The following COG4 variants were observed in gnomAD, a reference collection of about 807,000 sequenced individuals.
The protein encoded by COG4 is conserved oligomeric Golgi complex subunit 4.
COG4 carries 65 observed loss-of-function variants against 95.1 expected under a neutral mutation model. The ratio of observed to expected loss-of-function variants is 0.68; its 90% confidence interval spans 0.56 to 0.84. The LOEUF (loss-of-function observed/expected upper bound fraction) is 0.84, where lower values mean the gene tolerates loss of function less well. Ranked by LOEUF, COG4 falls within the 40% of genes least tolerant of loss-of-function variation. The pLI, the probability that COG4 is intolerant of heterozygous loss-of-function variation, is 0.00. For synonymous variants in COG4, 421 were observed against 374.8 expected, an observed-to-expected ratio of 1.12 and a Z score of -1.42; for missense variants, 1,045 against 989.1, an observed-to-expected ratio of 1.06 and a Z score of -0.76.
Position 70,512,362 on chromosome 16 carries a change from C to T in COG4, c.615G>A (p.Glu205=). The change falls in exon 5 of 19, where the codon GAG becomes GAA. Residue 205 remains glutamate, a synonymous_variant. Coordinates refer to ENST00000323786, the MANE Select transcript of COG4 (RefSeq NM_015386.3). ...AEQRLKAIVA[E]KFAIATKEGD... The stretch of plus-strand genomic sequence containing the variant: ...CTTCCTTGGTGGCAATGGCAAACTT[C>T]TCTGCCACAATGGCTTTGAGACGTT... 1 of 1,614,194 alleles carries T rather than the reference C, an allele frequency of 6.2e-7. No homozygotes were observed. Among genetic ancestry groups the T allele is most frequent in the South Asian group, 1.1e-5 (1 of 91,090 alleles).
chr16:70,518,107 T>C (rs1227134009), intron 2 of COG4, among the ~76,000 whole-genome samples: 2 of 151,832 alleles, frequency 1.3e-5, no homozygotes, highest in African/African-American at 2.4e-5. Context: ...ATTTTTGTAT[T>C]TGTAGTAGAG....
rs16970243 is a variant in COG4 at position 70,510,030 on chromosome 16, G to C, written c.739-9C>G. 0.023 allele frequency: 37,643 copies of C among 1,609,788 alleles called. 6,841 individuals carry two copies. The African/African-American group carries it at 0.42, about 18-fold the overall frequency. Reference sequence around the variant, plus strand: ...TCAGCTTTACTGGCCACCTAAAAAAGGAGAAAACCCACACACATTCCTCAG... The same window carrying C: ...TCAGCTTTACTGGCCACCTAAAAAACGAGAAAACCCACACACATTCCTCAG... On this transcript the variant is annotated splice_polypyrimidine_tract_variant and intron_variant, in intron 5 of 18. Coordinates refer to ENST00000323786, the MANE Select transcript of COG4 (RefSeq NM_015386.3).
At chr16:70,507,290 G>C (rs1268943273) in intron 8 of COG4, among the ~76,000 whole-genome samples, 1 of 151,850 alleles carries the variant, frequency 6.6e-6, no homozygotes, top group African/African-American at 2.4e-5. Context: ...AACTGTATCG[G>C]TATACACAAG....
At chr16:70,510,108 G>A in intron 5 of COG4, 87 bp from the exon 6 acceptor site, 1 of 1,129,086 alleles carries the variant, frequency 8.9e-7, no homozygotes, top group Non-Finnish European at 1.3e-6. Context: ...TCCTCCCATT[G>A]ACTTTCTTTT....
intron 18 of COG4, 48 bp downstream of exon 18, chr16:70,481,311 C>T: frequency 1.2e-6 from 2 of 1,608,422 alleles, no homozygotes; most frequent in Middle Eastern, 1.8e-4. Context: ...TCCATCTTTG[C>T]CTCTTTCAGT....
At position 70,496,277 on chromosome 16, in the gene COG4, T is replaced by C; in HGVS notation, c.1636A>G (p.Met546Val). Reference protein sequence around the residue: ...KGIESTDEAKMSFLVTLNNVE... With the variant: ...KGIESTDEAKVSFLVTLNNVE... The stretch of plus-strand genomic sequence containing the variant: ...TGTGGGGTACCTACCAGGAAGGACA[T>C]CTTCGCCTCGTCAGTACTCTCGATG... The change falls in exon 12 of 19, where the codon ATG becomes GTG. Residue 546 changes from methionine to valine, a missense_variant. Physicochemically the swap from Met to Val is conservative, Grantham distance 21. Transcript: ENST00000323786. 6.2e-7 allele frequency: 1 copy of C among 1,614,190 alleles called. No individual in the cohort carries two copies. The highest frequency in any genetic ancestry group is 8.5e-7 in the Non-Finnish European group (1 of 1,180,034).
At chr16:70,486,478 C>T (rs2049138463) in intron 13 of COG4, among the ~76,000 whole-genome samples, 1 of 152,220 alleles carries the variant, frequency 6.6e-6, no homozygotes, top group East Asian at 1.9e-4. Context: ...GCCACCTGAT[C>T]TGCCTATCTC....
chr16:70,511,683 A>C (rs1281180002), intron 5 of COG4, among the ~76,000 whole-genome samples: 1 of 152,164 alleles, frequency 6.6e-6, no homozygotes, highest in African/African-American at 2.4e-5. Context: ...CTGTAATCCC[A>C]TCACTTTGGG....
At chr16:70,511,504 C>T (rs1262433649) in intron 5 of COG4, among the ~76,000 whole-genome samples, 1 of 150,754 alleles carries the variant, frequency 6.6e-6, no homozygotes, top group Non-Finnish European at 1.5e-5. Flanking sequence ...TGCTTGAGGC[C>T]AGGAGTTCGA....
intron 12 of COG4, among the ~76,000 whole-genome samples, chr16:70,490,624 G>A (rs1006125374): frequency 6.6e-6 from 1 of 152,174 alleles, no homozygotes; most frequent in South Asian, 2.1e-4. Context: ...ATGACAGGGA[G>A]CCTAAAGCTA....
At chr16:70,519,772 A>G in intron 1 of COG4, 41 bp from the exon 2 acceptor site, 1 of 1,437,874 alleles carries the variant, frequency 7.0e-7, no homozygotes, top group Non-Finnish European at 9.8e-7. Flanking sequence ...AATGATCAGA[A>G]GGAACCTTAA....
chr16:70,487,424 C>G (rs2049161350), intron 13 of COG4, among the ~76,000 whole-genome samples: 1 of 151,978 alleles, frequency 6.6e-6, no homozygotes, highest in African/African-American at 2.4e-5. Context: ...TGGCAAAACC[C>G]CATCCCTACT....
intron 12 of COG4, 85 bp downstream of exon 12, chr16:70,496,181 A>C: frequency 7.0e-7 from 1 of 1,422,018 alleles, no homozygotes; most frequent in Non-Finnish European, 9.9e-7. Context: ...GTCTCTAGCT[A>C]GAGGCCAATT....
Position 70,515,705 on chromosome 16 carries a change from A to C in COG4, c.370-1196T>G, listed in dbSNP as rs548924806. 2.1e-4 allele frequency among the ~76,000 whole-genome samples: 32 copies of C among 152,118 alleles called. No individual in the cohort carries two copies. In the South Asian group the frequency reaches 6.0e-3, roughly 29 times the overall value. ...CTCAAAATCAATCAATCAATCAATC[A>C]ATAAATAAATAAAACATGCTTGCTT... On this transcript the variant is annotated intron_variant, in intron 3 of 18. Transcript: ENST00000323786.
chr16:70,497,473 G>T, intron 10 of COG4, 86 bp from the exon 11 acceptor site: 1 of 1,298,526 alleles, frequency 7.7e-7, no homozygotes, highest in Non-Finnish European at 1.1e-6. Context: ...CCCTAGCTCT[G>T]CTCCCTTTTC....
chr16:70,520,315 C>T (rs1288388840), intron 1 of COG4, among the ~76,000 whole-genome samples: 2 of 132,010 alleles, frequency 1.5e-5, no homozygotes, highest in African/African-American at 2.9e-5. Flanking sequence ...TGGTGGCGGG[C>T]GCCTGTAGCC....
chr16:70,512,367 C>T lies in COG4; in HGVS notation c.610G>A (p.Ala204Thr), dbSNP rs1218221635. 6.2e-7 allele frequency: 1 copy of T among 1,614,048 alleles called. No homozygotes were observed. The highest frequency in any genetic ancestry group is 1.7e-5 in the Admixed American group (1 of 59,998). ...EAEQRLKAIV[A>T]EKFAIATKEG... is the part of the protein sequence containing the mutation. ...TTGGTGGCAATGGCAAACTTCTCTG[C>T]CACAATGGCTTTGAGACGTTGCTCA... The change falls in exon 5 of 19, where the codon GCA (alanine) becomes ACA (threonine). Residue 204 changes from alanine (A) to threonine (T), a missense_variant. Physicochemically the swap from Ala to Thr is moderately conservative, Grantham distance 58. Transcript: ENST00000323786.
chr16:70,504,590 G>A (rs1242067176), intron 8 of COG4, among the ~76,000 whole-genome samples: 1 of 139,320 alleles, frequency 7.2e-6, no homozygotes, highest in African/African-American at 2.8e-5. Context: ...CTGGGTGACG[G>A]AGTGAGTGAG....
At chr16:70,505,346 C>A (rs1159686337) in intron 8 of COG4, among the ~76,000 whole-genome samples, 1 of 150,570 alleles carries the variant, frequency 6.6e-6, no homozygotes, top group Non-Finnish European at 1.5e-5. Context: ...TACAGGCACC[C>A]GCCAACACAC....
Sources: gnomAD v4.1 joint callset for allele counts (sites outside exome capture counted in the v4.1 genomes callset) on GRCh38, gnomAD v4.1.1 for gene constraint, MANE v1.5 for transcripts, NCBI Gene and HGNC (gene_info 2026-07-23, HGNC 2026-07-21) for gene names.